The following FER variants were observed in gnomAD, a reference collection of about 807,000 sequenced individuals.
FER encodes the protein FER tyrosine kinase.
Under a neutral mutation model 111.0 loss-of-function variants are expected in FER, and 63 were observed. The ratio of observed to expected loss-of-function variants is 0.57; its 90% confidence interval spans 0.46 to 0.70. The LOEUF is 0.70. Ranked by LOEUF, FER falls within the 30% of genes least tolerant of loss-of-function variation. FER has a pLI of 0.00. For synonymous variants in FER, 327 were observed against 313.9 expected, an observed-to-expected ratio of 1.04 and a Z score of -0.44; for missense variants, 914 against 954.0, an observed-to-expected ratio of 0.96 and a Z score of 0.55.
intron 13 of FER, 30 bp downstream of exon 13, chr5:108,959,377 T>A (rs761656357): frequency 6.4e-7 from 1 of 1,556,118 alleles, no homozygotes; most frequent in East Asian, 2.3e-5. Flanking sequence ...TTTGTCTGTT[T>A]GTTTTAAAAG....
At chr5:109,055,919 G>A (rs181287777) in intron 16 of FER, among the ~76,000 whole-genome samples, 4 of 149,288 alleles carry the variant, frequency 2.7e-5, no homozygotes, top group East Asian at 1.9e-4. Context: ...ATGGGCAAAG[G>A]CCTAAATAGA....
intron 13 of FER, among the ~76,000 whole-genome samples, chr5:108,994,065 C>T (rs57971587): frequency 0.065 from 9,894 of 152,150 alleles, 1,068 homozygotes; most frequent in African/African-American, 0.23. Flanking sequence ...TTCTCCCATT[C>T]TGTAGGTCGT....
At chr5:109,042,877 T>C (rs367990681) in intron 14 of FER, among the ~76,000 whole-genome samples, 37 of 152,292 alleles carry the variant, frequency 2.4e-4, no homozygotes, top group African/African-American at 7.0e-4. Context: ...GGTTATAATG[T>C]GGAGCTATAT....
At chr5:109,073,999 A>C (rs1246153906) in intron 16 of FER, among the ~76,000 whole-genome samples, 1 of 152,106 alleles carries the variant, frequency 6.6e-6, no homozygotes, top group Non-Finnish European at 1.5e-5. Flanking sequence ...TATCTTATAA[A>C]CACTTATCCT....
intron 19 of FER, among the ~76,000 whole-genome samples, chr5:109,186,757 A>G (rs1259677128): frequency 6.6e-6 from 1 of 152,224 alleles, no homozygotes; most frequent in Non-Finnish European, 1.5e-5. Context: ...CCTAGACCAT[A>G]GATGGGAATA....
At chr5:108,894,227 C>G in intron 9 of FER, 1 of 286,790 alleles carries the variant, frequency 3.5e-6, no homozygotes, top group African/African-American at 2.2e-5. Context: ...AAAAACCCCA[C>G]AAAACGATCA....
In FER at chr5:109,046,350, T is replaced by A. The variant is rs561041225; in HGVS notation, c.1830-754T>A. Among the ~76,000 whole-genome samples, 37 of 152,148 alleles carry A rather than the reference T, an allele frequency of 2.4e-4. 2 individuals carry two copies. Among genetic ancestry groups the A allele is most frequent in the African/African-American group, 4.6e-4 (19 of 41,536 alleles). On this transcript the variant is annotated intron_variant, in intron 15 of 19. Transcript: ENST00000281092. ...AATCAAGTGCGTGTGTTAAAAAATA[T>A]ATATATATATATGCGCTACCCTAGC...
chr5:108,916,057 C>A (rs1398348201), intron 10 of FER, among the ~76,000 whole-genome samples: 14 of 151,974 alleles, frequency 9.2e-5, no homozygotes, highest in African/African-American at 2.7e-4. Flanking sequence ...TCCTCTGTTT[C>A]TTTTTTAAAC....
At chr5:108,759,723 G>A (rs1751508687) in intron 1 of FER, among the ~76,000 whole-genome samples, 1 of 152,192 alleles carries the variant, frequency 6.6e-6, no homozygotes, top group African/African-American at 2.4e-5. Context: ...CAGAAGAGAA[G>A]AGAACACATT....
intron 2 of FER, among the ~76,000 whole-genome samples, chr5:108,776,003 A>G (rs565832306): frequency 2.4e-4 from 36 of 152,296 alleles, no homozygotes; most frequent in Non-Finnish European, 3.1e-4. Flanking sequence ...TGTGACTTCT[A>G]ACTGTCAGTA....
At chr5:109,128,699 T>C (rs902872966) in intron 17 of FER, among the ~76,000 whole-genome samples, 1 of 152,140 alleles carries the variant, frequency 6.6e-6, no homozygotes, top group Non-Finnish European at 1.5e-5. Flanking sequence ...TATGTAGGTG[T>C]CAATGTACCT....
At chr5:109,142,908 C>T (rs1485416757) in intron 17 of FER, among the ~76,000 whole-genome samples, 1 of 151,998 alleles carries the variant, frequency 6.6e-6, no homozygotes, top group African/African-American at 2.4e-5. Flanking sequence ...ACTGAGGAAG[C>T]CTAAAAATTT....
chr5:108,995,425 C>A (rs184235346), intron 13 of FER, among the ~76,000 whole-genome samples: 37 of 151,698 alleles, frequency 2.4e-4, no homozygotes, highest in East Asian at 1.6e-3. Flanking sequence ...TAGCCCCCCA[C>A]CCCCCAACAG....
At chr5:109,078,212 C>G (rs1454135444) in intron 16 of FER, among the ~76,000 whole-genome samples, 1 of 152,112 alleles carries the variant, frequency 6.6e-6, no homozygotes, top group African/African-American at 2.4e-5. Context: ...TCTATACTCC[C>G]TATATACAGC....
chr5:109,173,829 C>T (rs552083628), intron 17 of FER, among the ~76,000 whole-genome samples: 7 of 148,748 alleles, frequency 4.7e-5, no homozygotes, highest in Non-Finnish European at 8.9e-5. Flanking sequence ...GTATTCTGAG[C>T]GTCCTGACAG....
intron 11 of FER, among the ~76,000 whole-genome samples, chr5:108,948,355 T>A (rs965844113): frequency 2.0e-5 from 3 of 152,090 alleles, no homozygotes; most frequent in Admixed American, 1.3e-4. Flanking sequence ...TGTCATCAGA[T>A]GTTTAATATT....
intron 16 of FER, chr5:109,051,376 T>G: frequency 6.2e-7 from 1 of 1,612,022 alleles, no homozygotes. Flanking sequence ...GCTTGAAGGT[T>G]GCTGGTCCAC....
At chr5:109,147,094 G>A (rs1582251054) in intron 17 of FER, among the ~76,000 whole-genome samples, 1 of 151,588 alleles carries the variant, frequency 6.6e-6, no homozygotes, top group Non-Finnish European at 1.5e-5. Context: ...GAGATGAAAG[G>A]CAAGTCACAG....
chr5:108,930,306 C>T (rs1430939349), intron 10 of FER, among the ~76,000 whole-genome samples: 1 of 143,548 alleles, frequency 7.0e-6, no homozygotes, highest in Non-Finnish European at 1.5e-5. Context: ...GCCTCCGTGC[C>T]TGGCCCTACC....
Sources: allele counts gnomAD v4.1 joint callset (sites outside exome capture counted in the v4.1 genomes callset), GRCh38; gene constraint gnomAD v4.1.1; transcripts MANE v1.5; gene names NCBI Gene and HGNC (gene_info 2026-07-23, HGNC 2026-07-21).